The following GMPR variants were observed in gnomAD, a reference collection of about 807,000 sequenced individuals.
GMPR encodes guanosine monophosphate reductase.
A neutral mutation model predicts 38.4 loss-of-function variants in GMPR; 31 were observed. The ratio of observed to expected loss-of-function variants is 0.81; its 90% CI spans 0.61 to 1.09. The LOEUF (loss-of-function observed/expected upper bound fraction) is 1.09. Among genes scored for constraint, GMPR ranks in the 50% least tolerant of loss-of-function variants. The pLI, the probability that GMPR is intolerant of heterozygous loss-of-function variation, is 0.00. For missense variants in GMPR, 468 were observed against 453.7 expected (o/e 1.03, Z -0.29); for synonymous variants, 162 against 173.3 (o/e 0.93, Z 0.51).
chr6:16,285,859 G>A, intron 7 of GMPR, 24 bp downstream of exon 7: 11 of 1,591,772 alleles, frequency 6.9e-6, no homozygotes, highest in African/African-American at 1.3e-5. Context: ...CTGGTGCAGA[G>A]GGAGGGAAGG....
chr6:16,239,387 G>C (rs556849033), intron 1 of GMPR, among the ~76,000 whole-genome samples: 2 of 152,332 alleles, frequency 1.3e-5, no homozygotes, highest in African/African-American at 4.8e-5. Flanking sequence ...AAAGCTTTGG[G>C]GTGAGAGAGG....
intron 4 of GMPR, among the ~76,000 whole-genome samples, chr6:16,270,404 C>T (rs1318168967): frequency 6.6e-6 from 1 of 152,174 alleles, no homozygotes; most frequent in Non-Finnish European, 1.5e-5. Context: ...TGCTGCTACG[C>T]ACAGTCCCAT....
At chr6:16,248,717 A>AT (rs1758806960) in intron 2 of GMPR, among the ~76,000 whole-genome samples, 2 of 152,066 alleles carry the variant, frequency 1.3e-5, no homozygotes, top group African/African-American at 4.8e-5. Context: ...AGGAACTGGT[A>AT]TTTTTTTCTC....
intron 6 of GMPR, 120 bp from the exon 7 acceptor site, chr6:16,285,673 T>A: frequency 2.6e-6 from 2 of 774,162 alleles, no homozygotes; most frequent in Admixed American, 2.0e-5. Flanking sequence ...CTTGGGCCCG[T>A]GGGCTTGCTG....
intron 7 of GMPR, 148 bp downstream of exon 7, chr6:16,285,983 A>G (rs1027565160): frequency 4.1e-5 from 29 of 705,734 alleles, no homozygotes; most frequent in South Asian, 6.4e-5. Context: ...TTCAGCCCCA[A>G]TTGGCCCAAA....
At chr6:16,266,341 C>T (rs1353638679) in intron 4 of GMPR, among the ~76,000 whole-genome samples, 10 of 146,424 alleles carry the variant, frequency 6.8e-5, no homozygotes, top group Non-Finnish European at 3.0e-5. Context: ...CTGGGTGCGC[C>T]ACCTTTAAGA....
intron 6 of GMPR, among the ~76,000 whole-genome samples, chr6:16,282,210 C>T (rs140103250): frequency 6.6e-4 from 100 of 152,306 alleles, no homozygotes; most frequent in African/African-American, 2.3e-3. Context: ...GGGCTTCAGT[C>T]GTGTTTCTGT....
intron 3 of GMPR, among the ~76,000 whole-genome samples, chr6:16,251,332 AG>A (rs2113672652): frequency 1.3e-5 from 2 of 152,348 alleles, no homozygotes; most frequent in East Asian, 3.9e-4. Context: ...GAACTTTGGG[AG>A]GCCGAGTCGG....
intron 1 of GMPR, among the ~76,000 whole-genome samples, chr6:16,245,569 G>C (rs757698166): frequency 6.6e-6 from 1 of 152,222 alleles, no homozygotes; most frequent in African/African-American, 2.4e-5. Context: ...CCTCTGGCCA[G>C]TTCCCCTTGG....
chr6:16,242,321 G>A (rs1389333043), intron 1 of GMPR, among the ~76,000 whole-genome samples: 4 of 145,186 alleles, frequency 2.8e-5, no homozygotes, highest in Admixed American at 1.4e-4. Flanking sequence ...TCCAAGCTCT[G>A]TCACTAATTA....
In GMPR at chr6:16,238,678, CA is replaced by C; in HGVS notation, c.-15del. The C allele has an allele frequency of 7.6e-7, 1 of 1,311,594 alleles. No individual in the cohort carries two copies. The highest frequency in any genetic ancestry group is 2.0e-5 in the South Asian group (1 of 48,928). 81.2% of individuals were successfully genotyped at this position (1,311,594 alleles called of 1,614,324 possible). ...GCCCCGCCGTCGCCGCCGCCGCAGC[CA>C]GGAGCCGCTGCACCATGCCCCGCAT... On this transcript the variant is annotated 5_prime_UTR_variant, in exon 1 of 9. Coordinates refer to ENST00000259727, the MANE Select transcript of GMPR (RefSeq NM_006877.4).
At chr6:16,261,456 A>G (rs140242571) in intron 4 of GMPR, among the ~76,000 whole-genome samples, 1,617 of 152,058 alleles carry the variant, frequency 0.011, 16 homozygotes, top group Non-Finnish European at 0.016. Context: ...GTGCAAAGGA[A>G]TAGTAAAGAA....
intron 7 of GMPR, among the ~76,000 whole-genome samples, chr6:16,288,674 C>T (rs1396968801): frequency 6.6e-6 from 1 of 152,248 alleles, no homozygotes. Context: ...GCAGCTCCAT[C>T]TGCAGCCCCA....
chr6:16,260,839 G>C (rs1039919643), intron 4 of GMPR, among the ~76,000 whole-genome samples: 1 of 151,988 alleles, frequency 6.6e-6, no homozygotes, highest in African/African-American at 2.4e-5. Context: ...AGTCATGGGG[G>C]TCAGGTGTGG....
At chr6:16,293,897 G>C (rs1759884240) in intron 8 of GMPR, among the ~76,000 whole-genome samples, 1 of 152,208 alleles carries the variant, frequency 6.6e-6, no homozygotes, top group South Asian at 2.1e-4. Context: ...ATGAGAGCTA[G>C]AGTTTTGCCT....
rs147997931 is a variant in GMPR, at chr6:16,252,285, G to A, written c.291+1918G>A. On this transcript the variant is annotated intron_variant, in intron 3 of 8. Transcript: ENST00000259727. ...TTTTATTTTTTTTGTTTGAGGCAGA[G>A]TTTTGCTCTTGTCACCCAGACTGGA... Among the ~76,000 whole-genome samples the A allele has an allele frequency of 2.7e-3, 418 of 152,140 alleles. 13 individuals carry two copies. Among genetic ancestry groups the A allele is most frequent in the Middle Eastern group, 6.8e-3 (2 of 294 alleles).
At chr6:16,239,935 G>A (rs554593097) in intron 1 of GMPR, among the ~76,000 whole-genome samples, 14 of 152,308 alleles carry the variant, frequency 9.2e-5, no homozygotes, top group African/African-American at 3.1e-4. Context: ...CCCAGATTGG[G>A]TGACCCTGTG....
chr6:16,266,342 A>G (rs1037071349), intron 4 of GMPR, among the ~76,000 whole-genome samples: 1 of 148,922 alleles, frequency 6.7e-6, no homozygotes, highest in Non-Finnish European at 1.5e-5. Flanking sequence ...TGGGTGCGCC[A>G]CCTTTAAGAG....
intron 2 of GMPR, among the ~76,000 whole-genome samples, chr6:16,249,209 G>C (rs903161082): frequency 1.3e-5 from 1 of 76,190 alleles, no homozygotes; most frequent in Non-Finnish European, 2.4e-5. Flanking sequence ...TTTCACTCTT[G>C]TTGCCCAGGC....
Sources: gnomAD v4.1 joint callset for allele counts (sites outside exome capture counted in the v4.1 genomes callset) on GRCh38, gnomAD v4.1.1 for gene constraint, MANE v1.5 for transcripts, NCBI Gene and HGNC (gene_info 2026-07-23, HGNC 2026-07-21) for gene names.